Variants in IL1RAPL1 observed in about 807,000 individuals in gnomAD.
IL1RAPL1 encodes the protein interleukin-1 receptor accessory protein-like 1.
A neutral mutation model predicts 48.4 loss-of-function variants in IL1RAPL1; 3 were observed. That is an observed-to-expected ratio of 0.06 (90% CI 0.03 to 0.16). The LOEUF (loss-of-function observed/expected upper bound fraction) is 0.16. Among genes scored for constraint, IL1RAPL1 ranks in the 10% least tolerant of loss-of-function variants. IL1RAPL1 has a pLI of 1.00. For synonymous variants in IL1RAPL1, 185 were observed against 187.7 expected, an observed-to-expected ratio of 0.99 and a Z score of 0.12; for missense variants, 349 against 530.6, an observed-to-expected ratio of 0.66 and a Z score of 3.36.
chrX:28,807,074 C>T (rs1936741618), intron 2 of IL1RAPL1, among the ~76,000 whole-genome samples: 1 of 111,139 alleles, frequency 9.0e-6, no homozygotes, highest in African/African-American at 3.3e-5. Flanking sequence ...AGTAATTTTG[C>T]TTTCTTGGGT....
chrX:28,874,516 A>G (rs753522615), intron 2 of IL1RAPL1, among the ~76,000 whole-genome samples: 5 of 112,282 alleles, frequency 4.5e-5, no homozygotes, highest in Non-Finnish European at 7.5e-5. Flanking sequence ...CTAGGAGACA[A>G]TGATACACAC....
At chrX:29,504,656 T>C in intron 5 of IL1RAPL1, among the ~76,000 whole-genome samples, 1 of 112,160 alleles carries the variant, frequency 8.9e-6, no homozygotes, top group Non-Finnish European at 1.9e-5. Context: ...TAGCTACTGC[T>C]ACTCTTTTTT....
At chrX:28,865,180 G>A (rs186580287) in intron 2 of IL1RAPL1, among the ~76,000 whole-genome samples, 1 of 112,037 alleles carries the variant, frequency 8.9e-6, no homozygotes, top group Non-Finnish European at 1.9e-5. Flanking sequence ...GCTCATGCCT[G>A]TAATCCCAGC....
In IL1RAPL1 at chrX:29,396,344, A is replaced by T; in HGVS notation, c.449A>T (p.Tyr150Phe). 1 of 1,209,497 alleles carries T rather than the reference A, an allele frequency of 8.3e-7. No individual in the cohort carries two copies. The highest frequency in any genetic ancestry group is 1.1e-6 in the Non-Finnish European group (1 of 893,302). The change falls in exon 4 of 11, where the codon TAT becomes TTT. Residue 150 changes from tyrosine to phenylalanine, a missense_variant. Around this residue, in one of 3 missense-constraint regions of IL1RAPL1, gnomAD observed 238 missense variants for 337.8 expected, o/e 0.70. Coordinates refer to ENST00000378993, the MANE Select transcript of IL1RAPL1 (RefSeq NM_014271.4). ...TGLCYNSKMK[Y>F]FEKAELSKSK... ...CTCTGCTATAATTCCAAGATGAAGT[A>T]TTTTGAAAAAGCTGAACTTAGCAAA... is the stretch of plus-strand genomic sequence containing the variant.
intron 6 of IL1RAPL1, among the ~76,000 whole-genome samples, chrX:29,857,417 G>A (rs2147201851): frequency 8.9e-6 from 1 of 111,950 alleles, no homozygotes; most frequent in South Asian, 3.7e-4. Flanking sequence ...AAATTTCTAT[G>A]TCTATGTCCA....
Position 29,283,140 on chromosome X carries a change from A to G in IL1RAPL1, c.285A>G (p.Arg95=). ...FEEPIAFDGS[R]MSKEEDSIWF... ...AGCCAATAGCCTTTGACGGAAGTAG[A>G]ATGAGCAAAGAAGAAGACTCCATTT... The change falls in exon 3 of 11, where the codon AGA becomes AGG. Residue 95 remains arginine, a synonymous_variant. Coordinates refer to ENST00000378993, the MANE Select transcript of IL1RAPL1 (RefSeq NM_014271.4). 1.7e-6 allele frequency: 2 copies of G among 1,211,532 alleles called. No homozygotes were observed. The highest frequency in any genetic ancestry group is 2.2e-6 in the Non-Finnish European group (2 of 895,302).
At chrX:29,925,119 C>A (rs947029768) in intron 8 of IL1RAPL1, among the ~76,000 whole-genome samples, 3 of 111,170 alleles carry the variant, frequency 2.7e-5, no homozygotes, top group Non-Finnish European at 5.7e-5. Context: ...CATTTGACGT[C>A]TTTGACCATT....
chrX:28,662,800 T>A (rs182584827), intron 1 of IL1RAPL1, among the ~76,000 whole-genome samples: 2 of 111,517 alleles, frequency 1.8e-5, no homozygotes, highest in African/African-American at 3.3e-5. Flanking sequence ...CATTCCATGA[T>A]CACCTATTAT....
intron 2 of IL1RAPL1, among the ~76,000 whole-genome samples, chrX:29,199,261 C>G (rs1340970653): frequency 9.0e-6 from 1 of 110,508 alleles, no homozygotes; most frequent in Non-Finnish European, 1.9e-5. Flanking sequence ...AAAGAAGATG[C>G]ACATTAAATA....
Position 28,779,630 on chromosome X carries a change from GTGTGTATATATA to G in IL1RAPL1, c.-24-9688_-24-9677del, listed in dbSNP as rs1441838244. Among the ~76,000 whole-genome samples, 76 of 61,130 alleles carry G rather than the reference GTGTGTATATATA, an allele frequency of 1.2e-3. 1 individual carries two copies. Among genetic ancestry groups the G allele is most frequent in the South Asian group, 3.7e-3 (4 of 1,078 alleles). The allele number at this position is 61,130 out of a possible 115,157, so 53.1% of individuals were successfully genotyped here. ...GAGTGATACTATTATGTGTGTGTGT[GTGTGTATATATA>G]TATATATATATATATATATATATAT... On this transcript the variant is annotated intron_variant, in intron 1 of 10. Transcript: ENST00000378993.
At chrX:28,873,213 C>A (rs1922254988) in intron 2 of IL1RAPL1, among the ~76,000 whole-genome samples, 1 of 103,412 alleles carries the variant, frequency 9.7e-6, no homozygotes, top group African/African-American at 3.6e-5. Context: ...CGGGTTCAAG[C>A]GATTCTCGTT....
intron 6 of IL1RAPL1, among the ~76,000 whole-genome samples, chrX:29,782,096 G>GTCTATCTATCTATCTATCTA (rs1464490641): frequency 1.4e-4 from 13 of 90,490 alleles, no homozygotes; most frequent in East Asian, 7.3e-4. Flanking sequence ...CTGTCTGTCT[G>GTCTATCTATCTATCTATCTA]TCTGTCTATC....
chrX:29,203,594 C>A (rs1930600073), intron 2 of IL1RAPL1, among the ~76,000 whole-genome samples: 1 of 108,080 alleles, frequency 9.3e-6, no homozygotes, highest in African/African-American at 3.4e-5. Flanking sequence ...TGGCGCATGC[C>A]TGTAATACCA....
chrX:29,809,147 G>A (rs769063433), intron 6 of IL1RAPL1, among the ~76,000 whole-genome samples: 75 of 106,662 alleles, frequency 7.0e-4, no homozygotes, highest in African/African-American at 2.2e-3. Flanking sequence ...ACCCAGGCTG[G>A]AGTGCAATGT....
At chrX:28,616,470 G>T (rs1363377214) in intron 1 of IL1RAPL1, among the ~76,000 whole-genome samples, 1 of 105,834 alleles carries the variant, frequency 9.4e-6, no homozygotes, top group Admixed American at 1.0e-4. Flanking sequence ...TTTCACTCTT[G>T]TCACCCGGGC....
intron 2 of IL1RAPL1, among the ~76,000 whole-genome samples, chrX:29,165,275 C>T (rs974408196): frequency 3.6e-5 from 4 of 111,409 alleles, no homozygotes; most frequent in Non-Finnish European, 7.5e-5. Context: ...GCGGAGATCG[C>T]GCCATTACAC....
intron 1 of IL1RAPL1, among the ~76,000 whole-genome samples, chrX:28,594,330 G>A (rs1162940597): frequency 8.9e-6 from 1 of 111,864 alleles, no homozygotes; most frequent in East Asian, 2.8e-4. Flanking sequence ...TCCCATTCGA[G>A]TTTTAGGATT....
intron 6 of IL1RAPL1, among the ~76,000 whole-genome samples, chrX:29,877,415 G>A (rs1420123376): frequency 9.0e-6 from 1 of 111,457 alleles, no homozygotes; most frequent in Non-Finnish European, 1.9e-5. Flanking sequence ...GACAAATTAT[G>A]GCCAAATTAG....
intron 5 of IL1RAPL1, among the ~76,000 whole-genome samples, chrX:29,546,938 A>G (rs893766774): frequency 9.0e-6 from 1 of 111,668 alleles, no homozygotes; most frequent in African/African-American, 3.3e-5. Context: ...ATAGGCAATG[A>G]TGTGATTGCC....
Sources: allele counts gnomAD v4.1 joint callset (sites outside exome capture counted in the v4.1 genomes callset), GRCh38; gene constraint gnomAD v4.1.1; regional missense constraint gnomAD v4.1.1; transcripts MANE v1.5; gene names NCBI Gene and HGNC (gene_info 2026-07-23, HGNC 2026-07-21).